Variants in WWOX observed in about 807,000 individuals in gnomAD.
WWOX encodes the protein WW domain-containing oxidoreductase.
In WWOX, 69 loss-of-function variants were observed where a neutral mutation model predicts 46.2. The ratio of observed to expected loss-of-function variants is 1.49; its 90% confidence interval spans 1.23 to 1.82. The LOEUF (loss-of-function observed/expected upper bound fraction) is 1.82. Ranked by LOEUF, WWOX falls within the 40% of genes most tolerant of loss-of-function variation. WWOX has a pLI of 0.00. For missense variants in WWOX, 919 were observed against 542.6 expected, an observed-to-expected ratio of 1.69 and a Z score of -6.89; for synonymous variants, 359 against 202.6, an observed-to-expected ratio of 1.77 and a Z score of -6.56.
intron 8 of WWOX, among the ~76,000 whole-genome samples, chr16:79,186,057 A>C (rs1249394914): frequency 6.6e-6 from 1 of 151,978 alleles, no homozygotes; most frequent in Non-Finnish European, 1.5e-5. Flanking sequence ...CATGGCCTGT[A>C]TTGTCAAAAA....
At chr16:78,551,458 C>T (rs1235878121) in intron 8 of WWOX, 1 of 152,116 alleles carries the variant, frequency 6.6e-6, no homozygotes, top group African/African-American at 2.4e-5. Context: ...AATTGGGACT[C>T]CCATCCTACA....
chr16:78,129,017 G>A (rs1183710830), intron 4 of WWOX, among the ~76,000 whole-genome samples: 1 of 152,174 alleles, frequency 6.6e-6, no homozygotes, highest in Non-Finnish European at 1.5e-5. Flanking sequence ...GAGCTCTGTA[G>A]TAGATCCATA....
At chr16:78,636,563 T>C (rs532848336) in intron 8 of WWOX, among the ~76,000 whole-genome samples, 2 of 152,274 alleles carry the variant, frequency 1.3e-5, no homozygotes, top group East Asian at 3.9e-4. Context: ...TTCTCAGTCC[T>C]TTTGCTTACT....
chr16:78,644,164 G>A (rs1053893595), intron 8 of WWOX, among the ~76,000 whole-genome samples: 1 of 152,108 alleles, frequency 6.6e-6, no homozygotes, highest in Non-Finnish European at 1.5e-5. Context: ...GGAGGTTGTG[G>A]TGAGCTGAGA....
intron 8 of WWOX, among the ~76,000 whole-genome samples, chr16:79,164,701 A>G (rs969530097): frequency 5.3e-5 from 8 of 152,334 alleles, no homozygotes; most frequent in African/African-American, 1.9e-4. Context: ...GCATAATTAA[A>G]TACTGGAGTG....
chr16:79,164,406 G>C (rs951716783), intron 8 of WWOX, among the ~76,000 whole-genome samples: 1 of 152,112 alleles, frequency 6.6e-6, no homozygotes, highest in Admixed American at 6.6e-5. Context: ...TTCCCCGACA[G>C]GCTGCCCTTG....
intron 8 of WWOX, among the ~76,000 whole-genome samples, chr16:78,730,154 G>A (rs747398830): frequency 1.1e-4 from 17 of 152,142 alleles, no homozygotes; most frequent in African/African-American, 4.1e-4. Flanking sequence ...ACTTGGGCAA[G>A]AATATAAAAT....
chr16:78,919,810 T>A (rs1328571035), intron 8 of WWOX, among the ~76,000 whole-genome samples: 3 of 152,158 alleles, frequency 2.0e-5, no homozygotes, highest in African/African-American at 4.8e-5. Context: ...CCACTGCACC[T>A]GACTAAGTGG....
chr16:78,260,500 A>C (rs1434053996), intron 5 of WWOX, among the ~76,000 whole-genome samples: 1 of 151,354 alleles, frequency 6.6e-6, no homozygotes, highest in Non-Finnish European at 1.5e-5. Flanking sequence ...CCCTGTCTCC[A>C]CTAAAAATAC....
At chr16:79,019,196 A>T (rs1000335842) in intron 8 of WWOX, among the ~76,000 whole-genome samples, 1 of 147,592 alleles carries the variant, frequency 6.8e-6, no homozygotes, top group Non-Finnish European at 1.5e-5. Flanking sequence ...GAAAAAAAAA[A>T]GTTGGAATGA....
intron 8 of WWOX, among the ~76,000 whole-genome samples, chr16:79,111,999 A>G (rs961316646): frequency 2.6e-5 from 4 of 152,078 alleles, no homozygotes; most frequent in Non-Finnish European, 5.9e-5. Context: ...CCCAAACTCC[A>G]TTCTTTTTGG....
chr16:78,912,454 C>A (rs1054241132), intron 8 of WWOX, among the ~76,000 whole-genome samples: 6 of 151,842 alleles, frequency 4.0e-5, no homozygotes, highest in Non-Finnish European at 5.9e-5. Flanking sequence ...TTTTTGCCTG[C>A]GTCTTCACCC....
At chr16:78,453,077 C>A (rs1403085675) in intron 8 of WWOX, among the ~76,000 whole-genome samples, 1 of 150,468 alleles carries the variant, frequency 6.6e-6, no homozygotes, top group Non-Finnish European at 1.5e-5. Flanking sequence ...AGACGGGTTT[C>A]ATCATGTTGG....
chr16:78,299,290 C>G (rs2079999016), intron 5 of WWOX, among the ~76,000 whole-genome samples: 1 of 152,108 alleles, frequency 6.6e-6, no homozygotes, highest in Non-Finnish European at 1.5e-5. Flanking sequence ...AGTGCTTCCT[C>G]CTGCCGTGCC....
intron 8 of WWOX, among the ~76,000 whole-genome samples, chr16:78,468,939 A>G (rs563500634): frequency 6.6e-6 from 1 of 152,170 alleles, no homozygotes; most frequent in Non-Finnish European, 1.5e-5. Context: ...TATATTCAAG[A>G]GCGAAACTTT....
chr16:78,662,490 A>G (rs1445499760), intron 8 of WWOX, among the ~76,000 whole-genome samples: 1 of 152,094 alleles, frequency 6.6e-6, no homozygotes, highest in Non-Finnish European at 1.5e-5. Flanking sequence ...AGCACCTACC[A>G]TGTAGGTGCT....
intron 8 of WWOX, among the ~76,000 whole-genome samples, chr16:79,196,634 C>T (rs550967591): frequency 1.1e-4 from 17 of 152,296 alleles, no homozygotes; most frequent in African/African-American, 3.4e-4. Context: ...AGTCTCCATT[C>T]CTTCTTCCCC....
intron 8 of WWOX, among the ~76,000 whole-genome samples, chr16:78,554,610 C>G (rs1237573202): frequency 6.6e-6 from 1 of 152,090 alleles, no homozygotes; most frequent in Non-Finnish European, 1.5e-5. Context: ...CAGGTACACA[C>G]AAATATATAT....
chr16:79,113,335 G>A (rs776233870), intron 8 of WWOX, among the ~76,000 whole-genome samples: 15 of 152,138 alleles, frequency 9.9e-5, no homozygotes, highest in African/African-American at 2.2e-4. Context: ...GGAACATGCC[G>A]TCTCTGAGTT....
Sources: allele counts gnomAD v4.1 joint callset (sites outside exome capture counted in the v4.1 genomes callset), GRCh38; gene constraint gnomAD v4.1.1; transcripts MANE v1.5; gene names NCBI Gene and HGNC (gene_info 2026-07-23, HGNC 2026-07-21).